RPH3A: variants seen among roughly 807,000 people sequenced by gnomAD.
The protein encoded by RPH3A is rabphilin 3A.
Under a neutral mutation model 102.2 loss-of-function variants are expected in RPH3A, and 48 were observed. That is an observed-to-expected ratio of 0.47 (90% CI 0.37 to 0.60). The LOEUF is 0.60. Ranked by LOEUF, RPH3A falls within the 20% of genes least tolerant of loss-of-function variation. The pLI is 0.00. For synonymous variants in RPH3A, 310 were observed against 324.3 expected, an observed-to-expected ratio of 0.96 and a Z score of 0.47; for missense variants, 781 against 910.1, an observed-to-expected ratio of 0.86 and a Z score of 1.83.
At chr12:112,777,965 T>C (rs2040980186) in intron 1 of RPH3A, among the ~76,000 whole-genome samples, 1 of 152,224 alleles carries the variant, frequency 6.6e-6, no homozygotes, top group Admixed American at 6.5e-5. Context: ...GGTGAATGCA[T>C]AGGCCTGACA....
rs573503543 is a variant in RPH3A, at chr12:112,713,695, A to T, written c.-139-78448A>T. Among the ~76,000 whole-genome samples, 26 of 152,318 alleles carry T rather than the reference A, an allele frequency of 1.7e-4. No homozygotes were observed. In the South Asian group the frequency reaches 5.4e-3, roughly 32 times the overall value. On this transcript the variant is annotated intron_variant, in intron 1 of 21. Transcript: ENST00000543106. ...GTCCCACCAGCTGGCAGTGTCTGGC[A>T]TATGGTGGATGTTCAATAAATATTT...
At chr12:112,633,788 A>G (rs1371618754) in intron 1 of RPH3A, among the ~76,000 whole-genome samples, 1 of 152,232 alleles carries the variant, frequency 6.6e-6, no homozygotes, top group East Asian at 1.9e-4. Context: ...ATGTTTCTTG[A>G]AGGTCAGAAT....
chr12:112,642,669 C>G (rs1390075115), intron 1 of RPH3A, among the ~76,000 whole-genome samples: 1 of 152,126 alleles, frequency 6.6e-6, no homozygotes, highest in African/African-American at 2.4e-5. Flanking sequence ...GTTACACTAG[C>G]TGCTTTTGCC....
At chr12:112,767,315 A>G (rs1338444554) in intron 1 of RPH3A, among the ~76,000 whole-genome samples, 1 of 151,984 alleles carries the variant, frequency 6.6e-6, no homozygotes, top group Non-Finnish European at 1.5e-5. Flanking sequence ...ATCCTCTCCT[A>G]CCCCTTATTG....
intron 1 of RPH3A, among the ~76,000 whole-genome samples, chr12:112,676,638 G>C (rs2040176833): frequency 6.6e-6 from 1 of 152,218 alleles, no homozygotes; most frequent in South Asian, 2.1e-4. Context: ...AACCTGAAGA[G>C]GTGGGAGGAA....
intron 1 of RPH3A, among the ~76,000 whole-genome samples, chr12:112,692,827 C>A (rs758369311): frequency 1.2e-4 from 18 of 152,164 alleles, no homozygotes; most frequent in Admixed American, 3.3e-4. Context: ...TTAGTCATAG[C>A]CTTTAGTGAT....
chr12:112,774,080 A>G (rs2040947476), intron 1 of RPH3A, among the ~76,000 whole-genome samples: 2 of 151,078 alleles, frequency 1.3e-5, no homozygotes, highest in Admixed American at 6.6e-5. Context: ...AAAAAAAAGA[A>G]AAAGAGAAAG....
intron 1 of RPH3A, among the ~76,000 whole-genome samples, chr12:112,737,545 T>TA (rs1332633287): frequency 6.6e-6 from 1 of 152,190 alleles, no homozygotes; most frequent in Non-Finnish European, 1.5e-5. Flanking sequence ...TTGGATAGCA[T>TA]AGACATGCCA....
chr12:112,727,781 C>T (rs1316616193), intron 1 of RPH3A, among the ~76,000 whole-genome samples: 1 of 152,070 alleles, frequency 6.6e-6, no homozygotes, highest in Non-Finnish European at 1.5e-5. Flanking sequence ...CTGAAGACCA[C>T]ATTAGTAACT....
chr12:112,887,300 G>A (rs1185248253), intron 16 of RPH3A, among the ~76,000 whole-genome samples: 2 of 152,220 alleles, frequency 1.3e-5, no homozygotes, highest in Admixed American at 1.3e-4. Flanking sequence ...GGAATACTAT[G>A]CAGCAATAAA....
chr12:112,647,043 G>A (rs541845713), intron 1 of RPH3A, among the ~76,000 whole-genome samples: 30 of 152,144 alleles, frequency 2.0e-4, no homozygotes, highest in Non-Finnish European at 3.7e-4. Context: ...TTTCCAGAGC[G>A]CAGAACAGCT....
At chr12:112,696,183 T>C (rs1387419081) in intron 1 of RPH3A, among the ~76,000 whole-genome samples, 2 of 152,358 alleles carry the variant, frequency 1.3e-5, no homozygotes, top group African/African-American at 4.8e-5. Flanking sequence ...TTTTTATGGC[T>C]GAGTAATATT....
chr12:112,860,181 G>A (rs2042482794), intron 5 of RPH3A, among the ~76,000 whole-genome samples: 1 of 152,152 alleles, frequency 6.6e-6, no homozygotes, highest in African/African-American at 2.4e-5. Context: ...AAGCTGTTGG[G>A]GTCTTCCATG....
intron 1 of RPH3A, among the ~76,000 whole-genome samples, chr12:112,680,977 A>G (rs2040222451): frequency 6.7e-6 from 1 of 149,702 alleles, no homozygotes; most frequent in South Asian, 2.1e-4. Flanking sequence ...TTCTTCTCGC[A>G]TTGCTCCCAA....
At chr12:112,601,178 A>C (rs557931786) in intron 1 of RPH3A, among the ~76,000 whole-genome samples, 3 of 152,196 alleles carry the variant, frequency 2.0e-5, no homozygotes, top group Non-Finnish European at 4.4e-5. Flanking sequence ...TTGAGGATTA[A>C]ATGCACAATT....
intron 9 of RPH3A, 32 bp from the exon 10 acceptor site, chr12:112,869,861 T>G: frequency 6.2e-7 from 1 of 1,614,146 alleles, no homozygotes; most frequent in Non-Finnish European, 8.5e-7. Flanking sequence ...CTCGATGCCC[T>G]TTCTCTACTC....
chr12:112,886,680 T>A (rs1257372162), intron 16 of RPH3A, among the ~76,000 whole-genome samples: 2 of 152,182 alleles, frequency 1.3e-5, no homozygotes, highest in Non-Finnish European at 2.9e-5. Context: ...CTCAATGCTG[T>A]GTAAGGTAGA....
chr12:112,624,246 C>T (rs1459081253), intron 1 of RPH3A, among the ~76,000 whole-genome samples: 1 of 149,252 alleles, frequency 6.7e-6, no homozygotes, highest in Non-Finnish European at 1.5e-5. Flanking sequence ...ACAAAAAACC[C>T]TTCAAAAAAT....
At chr12:112,889,276 G>T (rs143265075) in intron 17 of RPH3A, among the ~76,000 whole-genome samples, 14 of 152,286 alleles carry the variant, frequency 9.2e-5, no homozygotes, top group Non-Finnish European at 1.3e-4. Flanking sequence ...CTCCAACTCC[G>T]TGAGTCCAGT....
Sources: allele counts gnomAD v4.1 joint callset (sites outside exome capture counted in the v4.1 genomes callset), GRCh38; gene constraint gnomAD v4.1.1; transcripts MANE v1.5; gene names NCBI Gene and HGNC (gene_info 2026-07-23, HGNC 2026-07-21).